The following STK32C variants were observed in gnomAD, a reference collection of about 807,000 sequenced individuals.
STK32C encodes the protein serine/threonine kinase 32C.
Under a neutral mutation model 56.5 loss-of-function variants are expected in STK32C, and 31 were observed. That is an observed-to-expected ratio of 0.55 (90% CI 0.41 to 0.74). The LOEUF is 0.74. Among genes scored for constraint, STK32C ranks in the 30% least tolerant of loss-of-function variants. STK32C has a pLI of 0.00. For synonymous variants in STK32C, 309 were observed against 289.4 expected (o/e 1.07, Z -0.69); for missense variants, 544 against 676.9 (o/e 0.80, Z 2.18).
chr10:132,246,908 AC>A (rs2063714891), intron 1 of STK32C, among the ~76,000 whole-genome samples: 1 of 151,952 alleles, frequency 6.6e-6, no homozygotes, highest in Non-Finnish European at 1.5e-5. Context: ...CCAGGTCTGC[AC>A]CCCTCAGTGT....
intron 1 of STK32C, among the ~76,000 whole-genome samples, chr10:132,329,292 T>C: frequency 6.6e-6 from 1 of 152,258 alleles, no homozygotes; most frequent in South Asian, 2.1e-4. Flanking sequence ...CACATGCCTG[T>C]AGTCTCAGCT....
Position 132,307,694 on chromosome 10 carries a change from T to G in STK32C, c.140A>C (p.Asp47Ala). ...PPAAGQPRAR[D>A]SGDVRSQPRP... is the part of the protein sequence containing the mutation. The stretch of plus-strand genomic sequence containing the variant: ...CGGCTGCGAGCGGACATCGCCCGAG[T>G]CCCGGGCCCGGGGCTGGCCAGCAGC... The change falls in exon 1 of 12, where the codon GAC (aspartate) becomes GCC (alanine). Residue 47 changes from aspartate to alanine, a missense_variant. By Grantham distance (126) the Asp-to-Ala change is moderately radical (BLOSUM62 -2). Transcript: ENST00000298630. The surrounding 1 kb of genome is among the most constrained non-coding windows in gnomAD (Gnocchi z 4.4). The G allele has an allele frequency of 4.1e-6, 6 of 1,475,252 alleles. No homozygotes were observed. Among genetic ancestry groups the G allele is most frequent in the Non-Finnish European group, 9.0e-7 (1 of 1,108,260 alleles). 91.4% of individuals were successfully genotyped at this position (1,475,252 alleles called of 1,614,324 possible).
intron 7 of STK32C, 24 bp from the exon 8 acceptor site, chr10:132,224,547 G>T (rs1451606157): frequency 6.4e-7 from 1 of 1,558,692 alleles, no homozygotes. Flanking sequence ...GGCAGTGCTG[G>T]GCAGGTCCTC....
At chr10:132,268,732 T>C (rs1473144947) in intron 1 of STK32C, among the ~76,000 whole-genome samples, 2 of 150,006 alleles carry the variant, frequency 1.3e-5, no homozygotes. Context: ...TGTGTCAGTG[T>C]GTGTGCATGC....
chr10:132,248,743 C>G (rs1412324631), intron 1 of STK32C, among the ~76,000 whole-genome samples: 1 of 152,204 alleles, frequency 6.6e-6, no homozygotes, highest in Non-Finnish European at 1.5e-5. Context: ...CAGTCCTGCA[C>G]TGCCCTGGGA....
chr10:132,240,724 G>A (rs552355516), intron 2 of STK32C, among the ~76,000 whole-genome samples: 1 of 152,210 alleles, frequency 6.6e-6, no homozygotes, highest in Admixed American at 6.5e-5. Flanking sequence ...CAGGGGGATG[G>A]CCTGGGGTGA....
At chr10:132,278,757 C>CAAA (rs60685458) in intron 1 of STK32C, among the ~76,000 whole-genome samples, 12 of 90,404 alleles carry the variant, frequency 1.3e-4, no homozygotes, top group South Asian at 3.6e-4. Context: ...GAGACTGTCT[C>CAAA]AAAAAAAAAA....
At chr10:132,218,285 C>T (rs1411939095) in intron 10 of STK32C, among the ~76,000 whole-genome samples, 1 of 151,738 alleles carries the variant, frequency 6.6e-6, no homozygotes, top group East Asian at 1.9e-4. Flanking sequence ...CACCACTGCA[C>T]TCCAGTTTTG....
chr10:132,217,008 C>T (rs1005963515), intron 10 of STK32C, among the ~76,000 whole-genome samples: 1 of 142,966 alleles, frequency 7.0e-6, no homozygotes, highest in Non-Finnish European at 1.5e-5. Flanking sequence ...CTGGGGCACA[C>T]TGCCTAGTGG....
At chr10:132,228,257 C>A in intron 2 of STK32C, 129 bp from the exon 3 acceptor site, 1 of 1,187,856 alleles carries the variant, frequency 8.4e-7, no homozygotes. Context: ...GGACGCGCCG[C>A]AGCCCCTCTG....
At position 132,254,738 on chromosome 10, in the gene STK32C, A is replaced by C. The variant is rs958488793; in HGVS notation, c.263-8783T>G. Among the ~76,000 whole-genome samples the C allele has an allele frequency of 1.9e-4, 28 of 144,108 alleles. 5 individuals are homozygous for C. Among genetic ancestry groups the C allele is most frequent in the African/African-American group, 7.4e-4 (28 of 38,084 alleles). The allele number at this position is 144,108 out of a possible 152,430, so 94.5% of individuals were successfully genotyped here. A position where few individuals can be genotyped will look rare whatever the true frequency, so the allele number is the denominator to read the frequency against. On this transcript the variant is annotated intron_variant, in intron 1 of 11. Coordinates refer to ENST00000298630, the MANE Select transcript of STK32C (RefSeq NM_173575.4). ...CCTGGGAGCCCAGGAGAGTAAAATA[A>C]GCCTGCCGCAGGGCGCCGGGAATCA... is the stretch of plus-strand genomic sequence containing the variant.
chr10:132,208,474 A>T (rs999967514), intron 11 of STK32C, among the ~76,000 whole-genome samples: 1 of 152,176 alleles, frequency 6.6e-6, no homozygotes, highest in Non-Finnish European at 1.5e-5. Flanking sequence ...TCTGATCCCC[A>T]GGGTGCCAGT....
intron 1 of STK32C, among the ~76,000 whole-genome samples, chr10:132,315,653 G>A (rs1406649951): frequency 6.6e-6 from 1 of 152,176 alleles, no homozygotes; most frequent in African/African-American, 2.4e-5. Context: ...GGAATTGCTA[G>A]AACAGGTACA....
intron 1 of STK32C, among the ~76,000 whole-genome samples, chr10:132,269,229 GCATGTGTC>G (rs2064732348): frequency 8.3e-6 from 1 of 121,028 alleles, no homozygotes; most frequent in Non-Finnish European, 1.8e-5. Flanking sequence ...GCAGCTCTGT[GCATGTGTC>G]TGTGTCTCCG....
intron 1 of STK32C, among the ~76,000 whole-genome samples, chr10:132,269,944 C>T (rs932905809): frequency 2.0e-5 from 3 of 152,260 alleles, no homozygotes; most frequent in African/African-American, 4.8e-5. Context: ...GAGCCAGGCC[C>T]CCTGTCCTCC....
intron 1 of STK32C, among the ~76,000 whole-genome samples, chr10:132,276,988 A>G (rs2138196342): frequency 6.6e-6 from 1 of 152,188 alleles, no homozygotes. Context: ...TCCTCCTTCC[A>G]GCTCAAAGGA....
At chr10:132,258,682 C>T (rs999704953) in intron 1 of STK32C, among the ~76,000 whole-genome samples, 9 of 152,258 alleles carry the variant, frequency 5.9e-5, no homozygotes, top group African/African-American at 2.2e-4. Context: ...CTGCTGTCCA[C>T]GCTGACGCTG....
chr10:132,248,173 C>T (rs958319453), intron 1 of STK32C, among the ~76,000 whole-genome samples: 2 of 152,264 alleles, frequency 1.3e-5, no homozygotes, highest in South Asian at 4.1e-4. Flanking sequence ...AGGCAGGGAG[C>T]AGCTGCCGCC....
intron 2 of STK32C, among the ~76,000 whole-genome samples, chr10:132,230,993 G>A (rs1055208645): frequency 4.6e-5 from 7 of 152,272 alleles, no homozygotes; most frequent in East Asian, 3.9e-4. Context: ...CATGTGCGGC[G>A]GACACAGACC....
Sources: allele counts gnomAD v4.1 joint callset (sites outside exome capture counted in the v4.1 genomes callset), GRCh38; gene constraint gnomAD v4.1.1; non-coding constraint Gnocchi (gnomAD v3.1); transcripts MANE v1.5; gene names NCBI Gene and HGNC (gene_info 2026-07-23, HGNC 2026-07-21).